Variants in PCDH15 observed in about 807,000 individuals in gnomAD.
The protein encoded by PCDH15 is protocadherin-15.
Under a neutral mutation model 178.5 loss-of-function variants are expected in PCDH15, and 129 were observed. The observed-to-expected ratio is 0.72, with a 90% confidence interval of 0.63 to 0.84. The LOEUF is 0.84. Among genes scored for constraint, PCDH15 ranks in the 40% least tolerant of loss-of-function variants. PCDH15 has a pLI of 0.00. For missense variants in PCDH15, 2,230 were observed against 2,099.9 expected (o/e 1.06, Z -1.21); for synonymous variants, 800 against 732.0 (o/e 1.09, Z -1.50).
intron 2 of PCDH15, among the ~76,000 whole-genome samples, chr10:55,486,068 A>T (rs1840290583): frequency 1.3e-5 from 2 of 151,694 alleles, no homozygotes; most frequent in Admixed American, 1.3e-4. Context: ...GCACTCCTGG[A>T]AACTTGTGCC....
At chr10:55,531,096 A>G (rs917397970) in intron 2 of PCDH15, among the ~76,000 whole-genome samples, 1 of 152,012 alleles carries the variant, frequency 6.6e-6, no homozygotes, top group Non-Finnish European at 1.5e-5. Flanking sequence ...TTCAACAATA[A>G]TGCCTGTCTA....
intron 2 of PCDH15, among the ~76,000 whole-genome samples, chr10:55,416,383 G>A (rs1306043124): frequency 6.6e-6 from 1 of 151,770 alleles, no homozygotes; most frequent in East Asian, 1.9e-4. Context: ...TCTCATGGAA[G>A]AGAATCTAAT....
At chr10:54,734,955 C>CT (rs1237578887) in intron 1 of PCDH15, among the ~76,000 whole-genome samples, 1 of 151,876 alleles carries the variant, frequency 6.6e-6, no homozygotes, top group Non-Finnish European at 1.5e-5. Context: ...GGTTACAAGA[C>CT]TACATGTTTG....
intron 2 of PCDH15, among the ~76,000 whole-genome samples, chr10:55,059,207 A>T (rs1273343936): frequency 2.0e-5 from 3 of 152,174 alleles, no homozygotes; most frequent in African/African-American, 7.2e-5. Flanking sequence ...ACTATATAAA[A>T]AAAGGAGGCC....
At chr10:55,264,199 G>A (rs1842222544) in intron 1 of PCDH15, among the ~76,000 whole-genome samples, 1 of 152,106 alleles carries the variant, frequency 6.6e-6, no homozygotes. Flanking sequence ...TTTTCAATCC[G>A]AAGCTCGATT....
intron 2 of PCDH15, among the ~76,000 whole-genome samples, chr10:55,139,166 T>C (rs2132086424): frequency 6.6e-6 from 1 of 152,210 alleles, no homozygotes; most frequent in South Asian, 2.1e-4. Flanking sequence ...TATTAAATAA[T>C]TGGTTTTAAA....
At chr10:54,249,314 T>C (rs1484921826) in intron 8 of PCDH15, among the ~76,000 whole-genome samples, 1 of 152,108 alleles carries the variant, frequency 6.6e-6, no homozygotes, top group African/African-American at 2.4e-5. Flanking sequence ...ATGTCATAAT[T>C]TATAAAATGA....
intron 2 of PCDH15, among the ~76,000 whole-genome samples, chr10:55,004,409 C>A (rs141408275): frequency 6.6e-6 from 1 of 152,254 alleles, no homozygotes; most frequent in African/African-American, 2.4e-5. Context: ...AATTTACCCT[C>A]TATGTCTCAA....
At chr10:54,172,596 T>C (rs1316387180) in intron 13 of PCDH15, among the ~76,000 whole-genome samples, 1 of 152,176 alleles carries the variant, frequency 6.6e-6, no homozygotes, top group African/African-American at 2.4e-5. Flanking sequence ...ATCAAAGAAA[T>C]GTTTCATTTA....
chr10:53,959,252 TTATA>T (rs145704041), intron 23 of PCDH15, among the ~76,000 whole-genome samples: 1,591 of 147,740 alleles, frequency 0.011, 28 homozygotes, highest in African/African-American at 0.034. Flanking sequence ...CACACTACAT[TTATA>T]TATATATATA....
intron 10 of PCDH15, among the ~76,000 whole-genome samples, chr10:54,200,028 A>C (rs150948676): frequency 2.8e-4 from 43 of 152,272 alleles, no homozygotes; most frequent in African/African-American, 1.0e-3. Context: ...GGAAATACTG[A>C]TAATTTCTGA....
chr10:54,325,508 G>A (rs1937774312), intron 7 of PCDH15, among the ~76,000 whole-genome samples: 1 of 151,996 alleles, frequency 6.6e-6, no homozygotes, highest in Non-Finnish European at 1.5e-5. Context: ...CAACACTTTG[G>A]GAGGCTGAGG....
At chr10:54,969,901 T>C (rs184180609) in intron 2 of PCDH15, among the ~76,000 whole-genome samples, 147 of 152,336 alleles carry the variant, frequency 9.6e-4, no homozygotes, top group African/African-American at 3.5e-3. Flanking sequence ...TGGCTTAAAA[T>C]GAAAATTCCC....
rs568025567 is a variant in PCDH15 at position 54,274,985 on chromosome 10, C to G, written c.877-38054G>C. 4.0e-5 allele frequency among the ~76,000 whole-genome samples: 6 copies of G among 151,882 alleles called. No individual in the cohort carries two copies. The South Asian group carries it at 1.0e-3, about 26-fold the overall frequency. ...CATGACTTCTTTTCAAATTGCACAG[C>G]ATTAGGGATCCAAGCCATAAAAGAA... On this transcript the variant is annotated intron_variant, in intron 8 of 37. Coordinates refer to ENST00000644397, the MANE Select transcript of PCDH15 (RefSeq NM_001384140.1).
At chr10:53,811,447 C>T (rs1320011966) in intron 36 of PCDH15, 102 bp downstream of exon 36, 2 of 687,096 alleles carry the variant, frequency 2.9e-6, no homozygotes, top group East Asian at 3.4e-5. Flanking sequence ...GTGAGATCGA[C>T]ATGACATTAA....
chr10:55,072,117 T>C (rs1841762579), intron 2 of PCDH15, among the ~76,000 whole-genome samples: 2 of 152,048 alleles, frequency 1.3e-5, no homozygotes, highest in South Asian at 2.1e-4. Flanking sequence ...GGGAAATTTA[T>C]AGCACTAAAT....
Position 54,892,579 on chromosome 10 carries a change from T to G in PCDH15, c.-29+4871A>C, listed in dbSNP as rs563385993. Among the ~76,000 whole-genome samples the G allele has an allele frequency of 3.3e-5, 5 of 150,876 alleles. No individual in the cohort carries two copies. In the Admixed American group the frequency reaches 3.3e-4, roughly 10 times the overall value. ...TTATCTGGAATATTCTGTCACCAAA[T>G]TAGGGAAATTAATGAAAAAAAGAGT... On this transcript the variant is annotated intron_variant, in intron 3 of 5. Transcript: ENST00000458638.
chr10:54,347,567 A>T (rs1478299071), intron 5 of PCDH15, among the ~76,000 whole-genome samples: 2 of 152,144 alleles, frequency 1.3e-5, no homozygotes, highest in Non-Finnish European at 2.9e-5. Flanking sequence ...GCAACAAAAA[A>T]GTTGCCTTAT....
At chr10:54,633,195 A>T (rs1244328213) in intron 2 of PCDH15, among the ~76,000 whole-genome samples, 2 of 152,048 alleles carry the variant, frequency 1.3e-5, no homozygotes, top group African/African-American at 4.8e-5. Flanking sequence ...TAACCTGAAG[A>T]AGGGAGCCTG....
Sources: gnomAD v4.1 joint callset for allele counts (sites outside exome capture counted in the v4.1 genomes callset) on GRCh38, gnomAD v4.1.1 for gene constraint, MANE v1.5 for transcripts, NCBI Gene and HGNC (gene_info 2026-07-23, HGNC 2026-07-21) for gene names.